SHISA9: variants seen among roughly 807,000 people sequenced by gnomAD.
SHISA9 encodes shisa family member 9, also known as protein shisa-9.
In SHISA9, 13 loss-of-function variants were observed where a neutral mutation model predicts 38.0. The observed-to-expected ratio is 0.34, with a 90% confidence interval of 0.22 to 0.54. SHISA9 has a LOEUF of 0.54. Ranked by LOEUF, SHISA9 falls within the 20% of genes least tolerant of loss-of-function variation. The pLI is 0.91. For synonymous variants in SHISA9, 275 were observed against 242.0 expected, an observed-to-expected ratio of 1.14 and a Z score of -1.27; for missense variants, 538 against 575.8, an observed-to-expected ratio of 0.93 and a Z score of 0.67.
intron 2 of SHISA9, among the ~76,000 whole-genome samples, chr16:13,061,171 C>T (rs979792625): frequency 2.6e-5 from 4 of 152,132 alleles, no homozygotes; most frequent in Admixed American, 2.0e-4. Flanking sequence ...GCCCTCCACA[C>T]GGGGCCTGAT....
the SHISA9 span, among the ~76,000 whole-genome samples, chr16:13,482,874 A>G: frequency 2.6e-5 from 4 of 151,300 alleles, no homozygotes; most frequent in Non-Finnish European, 5.9e-5. Flanking sequence ...CCTCCAACCT[A>G]GATCTGTCTA....
the SHISA9 span, among the ~76,000 whole-genome samples, chr16:13,380,646 TAAC>T: frequency 5.9e-5 from 9 of 152,184 alleles, no homozygotes; most frequent in African/African-American, 2.2e-4. Flanking sequence ...ACAGAAATAA[TAAC>T]TTTTCTTTTT....
At chr16:13,155,040 T>C (rs1325116523) in intron 2 of SHISA9, among the ~76,000 whole-genome samples, 1 of 152,186 alleles carries the variant, frequency 6.6e-6, no homozygotes, top group Non-Finnish European at 1.5e-5. Context: ...TTAAAATGAC[T>C]AAGAAGACAA....
chr16:13,278,940 C>G, the SHISA9 span, among the ~76,000 whole-genome samples: 1 of 151,768 alleles, frequency 6.6e-6, no homozygotes, highest in Non-Finnish European at 1.5e-5. Context: ...CTGGTAATTT[C>G]TTCTGCTGGG....
At chr16:13,418,749 C>G in the SHISA9 span, among the ~76,000 whole-genome samples, 17 of 152,208 alleles carry the variant, frequency 1.1e-4, no homozygotes, top group Non-Finnish European at 1.6e-4. Context: ...CAATGTGGCT[C>G]TAGCACCATA....
chr16:13,489,375 T>C, the SHISA9 span, among the ~76,000 whole-genome samples: 1 of 152,184 alleles, frequency 6.6e-6, no homozygotes, highest in Non-Finnish European at 1.5e-5. Flanking sequence ...TAGACTTGTA[T>C]CTCTGTTGTT....
At chr16:13,230,621 C>T (rs879444978) in intron 4 of SHISA9, among the ~76,000 whole-genome samples, 4 of 151,886 alleles carry the variant, frequency 2.6e-5, no homozygotes, top group Non-Finnish European at 5.9e-5. Flanking sequence ...AAAGGAGTCC[C>T]GACCTAGACC....
the SHISA9 span, among the ~76,000 whole-genome samples, chr16:13,493,663 A>G: frequency 6.6e-6 from 1 of 151,754 alleles, no homozygotes; most frequent in Admixed American, 6.6e-5. Flanking sequence ...AGAAAGAGAA[A>G]ACAGTGGATG....
At chr16:13,032,335 C>A (rs1415490619) in intron 2 of SHISA9, among the ~76,000 whole-genome samples, 3 of 152,098 alleles carry the variant, frequency 2.0e-5, no homozygotes, top group African/African-American at 7.2e-5. Context: ...TCATCCATGT[C>A]CCTGAAAAGG....
chr16:13,553,462 C>T, the SHISA9 span, among the ~76,000 whole-genome samples: 1 of 152,134 alleles, frequency 6.6e-6, no homozygotes, highest in Admixed American at 6.5e-5. Flanking sequence ...GGTGGGAGAA[C>T]AGAGGCCCAC....
At chr16:13,106,418 G>C in intron 2 of SHISA9, among the ~76,000 whole-genome samples, 1 of 152,106 alleles carries the variant, frequency 6.6e-6, no homozygotes, top group East Asian at 1.9e-4. Flanking sequence ...AAAGCTTTCT[G>C]AACCTCAGTT....
the SHISA9 span, among the ~76,000 whole-genome samples, chr16:13,494,405 A>AAC: frequency 6.6e-6 from 1 of 151,062 alleles, no homozygotes; most frequent in African/African-American, 2.4e-5. Context: ...TTGATAGACA[A>AAC]ACACCAAGAC....
At chr16:12,910,828 A>G (rs2071173066) in intron 1 of SHISA9, 11 of 704,542 alleles carry the variant, frequency 1.6e-5, no homozygotes, top group Non-Finnish European at 1.9e-5. Flanking sequence ...GTACTTGTAC[A>G]AGTCTGAAGG....
intron 2 of SHISA9, among the ~76,000 whole-genome samples, chr16:13,115,350 A>C (rs2074021797): frequency 6.6e-6 from 1 of 152,234 alleles, no homozygotes; most frequent in Non-Finnish European, 1.5e-5. Context: ...ATTTATTAAC[A>C]GCAAACCAGT....
intron 2 of SHISA9, among the ~76,000 whole-genome samples, chr16:12,964,957 C>T (rs568367874): frequency 1.3e-5 from 2 of 152,224 alleles, no homozygotes; most frequent in South Asian, 4.1e-4. Flanking sequence ...GGTGATTTCT[C>T]CTAGTAGATG....
intron 2 of SHISA9, among the ~76,000 whole-genome samples, chr16:12,998,294 G>T (rs1229530944): frequency 6.6e-6 from 1 of 152,202 alleles, no homozygotes; most frequent in Non-Finnish European, 1.5e-5. Context: ...GCACTAACAT[G>T]TGTAATGTCT....
the SHISA9 span, among the ~76,000 whole-genome samples, chr16:13,349,818 A>G: frequency 6.6e-6 from 1 of 152,212 alleles, no homozygotes; most frequent in East Asian, 1.9e-4. Flanking sequence ...GAACAGAAAA[A>G]GGAGCTGATT....
At chr16:13,502,735 G>C in the SHISA9 span, among the ~76,000 whole-genome samples, 2 of 152,080 alleles carry the variant, frequency 1.3e-5, no homozygotes, top group Middle Eastern at 3.2e-3. Flanking sequence ...CAATTAGCCA[G>C]GCGTGGTGGC....
the SHISA9 span, among the ~76,000 whole-genome samples, chr16:13,526,360 A>T: frequency 1.3e-5 from 2 of 152,246 alleles, no homozygotes; most frequent in South Asian, 4.1e-4. Flanking sequence ...GAATTGGCTC[A>T]GGTCCTCAGC....
Sources: gnomAD v4.1 joint callset for allele counts (sites outside exome capture counted in the v4.1 genomes callset) on GRCh38, gnomAD v4.1.1 for gene constraint, MANE v1.5 for transcripts, NCBI Gene and HGNC (gene_info 2026-07-23, HGNC 2026-07-21) for gene names.